The following ZSCAN25 variants were observed in gnomAD, a reference collection of about 807,000 sequenced individuals.
ZSCAN25 encodes zinc finger and SCAN domain containing 25.
In ZSCAN25, 27 loss-of-function variants were observed where a neutral mutation model predicts 38.7. The observed-to-expected ratio is 0.70, with a 90% CI of 0.51 to 0.96. ZSCAN25 has a LOEUF of 0.96. Among genes scored for constraint, ZSCAN25 ranks in the 40% least tolerant of loss-of-function variants. ZSCAN25 has a pLI of 0.00. For missense variants in ZSCAN25, 637 were observed against 705.9 expected, an observed-to-expected ratio of 0.90 and a Z score of 1.11; for synonymous variants, 273 against 277.7, an observed-to-expected ratio of 0.98 and a Z score of 0.17.
chr7:99,699,257 T>G, the ZSCAN25 span, among the ~76,000 whole-genome samples: 2 of 152,204 alleles, frequency 1.3e-5, no homozygotes, highest in African/African-American at 4.8e-5. Context: ...GAATAAATCT[T>G]CAAAACTTCC....
At chr7:99,676,121 A>G in the ZSCAN25 span, 3 of 1,613,606 alleles carry the variant, frequency 1.9e-6, no homozygotes, top group Non-Finnish European at 2.5e-6. Context: ...TCACCTGACG[A>G]TAGGACAAAA....
Position 99,630,754 on chromosome 7 carries a change from C to T in ZSCAN25, c.*734C>T, listed in dbSNP as rs1313225111. 2 of 985,384 alleles carry T rather than the reference C, an allele frequency of 2.0e-6. No homozygotes were observed. The highest frequency in any genetic ancestry group is 9.4e-5 in the South Asian group (2 of 21,284). The allele number at this position is 985,384 out of a possible 1,614,324, so 61.0% of individuals were successfully genotyped here. On this transcript the variant is annotated 3_prime_UTR_variant, in exon 8 of 8. Transcript: ENST00000394152. ...TTCTATCCTCATCTGTAAAACTTCC[C>T]CGTCCATTATTCCTTGCACTATAAC...
chr7:99,621,822 A>G (rs1319613579), intron 5 of ZSCAN25: 2 of 353,326 alleles, frequency 5.7e-6, no homozygotes, highest in Admixed American at 9.4e-5. Context: ...TTTCCCTCAG[A>G]TCCCTTCTAG....
At chr7:99,689,998 C>A in the ZSCAN25 span, among the ~76,000 whole-genome samples, 2 of 152,202 alleles carry the variant, frequency 1.3e-5, no homozygotes, top group African/African-American at 4.8e-5. Flanking sequence ...CCAAGTCAAT[C>A]CTAAGCCAAA....
chr7:99,651,635 G>A, the ZSCAN25 span, among the ~76,000 whole-genome samples: 3 of 152,154 alleles, frequency 2.0e-5, no homozygotes, highest in Non-Finnish European at 2.9e-5. Flanking sequence ...AAACTTGCAG[G>A]TAGGGGCTAA....
the ZSCAN25 span, chr7:99,638,546 C>T: frequency 2.6e-6 from 4 of 1,530,730 alleles, no homozygotes; most frequent in East Asian, 2.3e-5. Context: ...AGTTATGCCG[C>T]GAGAGCGCGG....
the ZSCAN25 span, among the ~76,000 whole-genome samples, chr7:99,720,122 C>T: frequency 6.6e-6 from 1 of 152,106 alleles, no homozygotes; most frequent in Non-Finnish European, 1.5e-5. Flanking sequence ...TCCTGTACTG[C>T]AGTAATGTGA....
the ZSCAN25 span, chr7:99,730,461 G>A: frequency 1.3e-4 from 20 of 153,624 alleles, no homozygotes; most frequent in Non-Finnish European, 2.5e-4. Flanking sequence ...TCTCAAAGTG[G>A]CAACAGATGT....
At chr7:99,640,699 C>T in the ZSCAN25 span, among the ~76,000 whole-genome samples, 6 of 152,196 alleles carry the variant, frequency 3.9e-5, no homozygotes, top group African/African-American at 9.7e-5. Flanking sequence ...GGATATACTT[C>T]CAGAGAGCCA....
the ZSCAN25 span, among the ~76,000 whole-genome samples, chr7:99,733,167 G>A: frequency 2.0e-5 from 3 of 152,292 alleles, no homozygotes. Context: ...TCCCACTCCT[G>A]TTCCTTCCTT....
At chr7:99,697,541 C>A in the ZSCAN25 span, among the ~76,000 whole-genome samples, 1 of 152,172 alleles carries the variant, frequency 6.6e-6, no homozygotes, top group Admixed American at 6.5e-5. Flanking sequence ...GTCCAGGTAC[C>A]TTCCTGTTGA....
chr7:99,694,063 A>C, the ZSCAN25 span, among the ~76,000 whole-genome samples: 1 of 152,218 alleles, frequency 6.6e-6, no homozygotes, highest in African/African-American at 2.4e-5. Flanking sequence ...TGAATGACTT[A>C]TCATTGTGTG....
At position 99,631,760 on chromosome 7, in the gene ZSCAN25, A is replaced by C. The variant is rs1466875200; in HGVS notation, c.*1740A>C. 1 of 985,272 alleles carries C rather than the reference A, an allele frequency of 1.0e-6. No individual in the cohort carries two copies. The highest frequency in any genetic ancestry group is 1.2e-6 in the Non-Finnish European group (1 of 829,934). 61.0% of individuals were successfully genotyped at this position (985,272 alleles called of 1,614,324 possible). On this transcript the variant is annotated 3_prime_UTR_variant, in exon 8 of 8. Transcript: ENST00000394152. ...GTGTCTAATTTTGGCTTAGCAAATG[A>C]CGCTCCTTGGTCTTCCTGGCTCATT... is the stretch of plus-strand genomic sequence containing the variant.
intron 1 of ZSCAN25, among the ~76,000 whole-genome samples, chr7:99,617,444 G>T (rs781309120): frequency 6.6e-6 from 1 of 152,260 alleles, no homozygotes; most frequent in Non-Finnish European, 1.5e-5. Flanking sequence ...AGCCGGGCGT[G>T]GTGGCACGCG....
At chr7:99,710,692 C>T in the ZSCAN25 span, 1 of 1,613,288 alleles carries the variant, frequency 6.2e-7, no homozygotes, top group Non-Finnish European at 8.5e-7. Context: ...TTTGCTAAGG[C>T]TTCACCTCCT....
At chr7:99,643,537 T>G in the ZSCAN25 span, among the ~76,000 whole-genome samples, 1 of 151,980 alleles carries the variant, frequency 6.6e-6, no homozygotes, top group Non-Finnish European at 1.5e-5. Context: ...CAACTCTTCA[T>G]GTCATTTTCA....
At chr7:99,729,171 C>T in the ZSCAN25 span, among the ~76,000 whole-genome samples, 394 of 152,212 alleles carry the variant, frequency 2.6e-3, 3 homozygotes, top group Middle Eastern at 0.014. Context: ...ACCTGTTTTT[C>T]TCCTTCTGTT....
In ZSCAN25 at chr7:99,631,758, TG is replaced by T; in HGVS notation, c.*1739del. ...TGGTGTCTAATTTTGGCTTAGCAAA[TG>T]ACGCTCCTTGGTCTTCCTGGCTCAT... On this transcript the variant is annotated 3_prime_UTR_variant, in exon 8 of 8. Transcript: ENST00000394152. The T allele has an allele frequency of 3.0e-6, 3 of 985,470 alleles. No homozygotes were observed. The highest frequency in any genetic ancestry group is 3.6e-6 in the Non-Finnish European group (3 of 829,954). The allele number at this position is 985,470 out of a possible 1,614,324, so 61.0% of individuals were successfully genotyped here. A position where few individuals can be genotyped will look rare whatever the true frequency, so the allele number is the denominator to read the frequency against.
At chr7:99,634,339 G>A (rs1488763994), downstream of ZSCAN25, among the ~76,000 whole-genome samples, 2 of 152,230 alleles carry the variant, frequency 1.3e-5, no homozygotes, top group African/African-American at 2.4e-5. Context: ...GAGGCAAGGA[G>A]AACCTTTGTT....
Sources: allele counts gnomAD v4.1 joint callset (sites outside exome capture counted in the v4.1 genomes callset), GRCh38; gene constraint gnomAD v4.1.1; transcripts MANE v1.5; gene names NCBI Gene and HGNC (gene_info 2026-07-23, HGNC 2026-07-21).